RASAL2: variants seen among roughly 807,000 people sequenced by gnomAD.
The protein encoded by RASAL2 is RAS protein activator like 2.
Under a neutral mutation model 128.9 loss-of-function variants are expected in RASAL2, and 58 were observed. That is an observed-to-expected ratio of 0.45 (90% confidence interval 0.36 to 0.56). The LOEUF is 0.56. RASAL2 is among the 20% of genes least tolerant of loss of function. The pLI is 0.00. For missense variants in RASAL2, 1,360 were observed against 1,601.6 expected, an observed-to-expected ratio of 0.85 and a Z score of 2.57; for synonymous variants, 561 against 580.8, an observed-to-expected ratio of 0.97 and a Z score of 0.49.
At chr1:178,447,812 A>G (rs1022341019) in intron 9 of RASAL2, among the ~76,000 whole-genome samples, 7 of 152,066 alleles carry the variant, frequency 4.6e-5, no homozygotes, top group Non-Finnish European at 8.8e-5. Context: ...GAACTTGGCA[A>G]ATTTTTCAGT....
chr1:178,300,396 C>T (rs1383411070), intron 3 of RASAL2, among the ~76,000 whole-genome samples: 3 of 152,128 alleles, frequency 2.0e-5, no homozygotes, highest in Non-Finnish European at 4.4e-5. Flanking sequence ...GTTTATTGCT[C>T]AGCTGTAGAT....
At chr1:178,372,594 T>C (rs138071515) in intron 3 of RASAL2, among the ~76,000 whole-genome samples, 34 of 152,318 alleles carry the variant, frequency 2.2e-4, no homozygotes, top group Non-Finnish European at 7.4e-5. Context: ...TCTGGCCAGC[T>C]GTTCATGGTA....
chr1:178,264,440 C>T (rs1665849033), intron 1 of RASAL2, among the ~76,000 whole-genome samples: 1 of 152,192 alleles, frequency 6.6e-6, no homozygotes, highest in Non-Finnish European at 1.5e-5. Context: ...AACCCTCATG[C>T]ACAAAACTGT....
At chr1:178,328,645 A>G (rs925653556) in intron 3 of RASAL2, among the ~76,000 whole-genome samples, 15 of 152,194 alleles carry the variant, frequency 9.9e-5, no homozygotes, top group African/African-American at 3.4e-4. Context: ...AACAGTGACA[A>G]TGTTAAGTTC....
At chr1:178,394,191 A>T (rs1673078347) in intron 4 of RASAL2, among the ~76,000 whole-genome samples, 1 of 152,194 alleles carries the variant, frequency 6.6e-6, no homozygotes, top group Non-Finnish European at 1.5e-5. Context: ...GTATAAATTC[A>T]CAATGTTTTT....
chr1:178,137,979 G>C (rs370067824), intron 1 of RASAL2, among the ~76,000 whole-genome samples: 6 of 152,176 alleles, frequency 3.9e-5, no homozygotes, highest in African/African-American at 1.4e-4. Flanking sequence ...AGGTGTTCTG[G>C]ATTGCCAAAG....
Position 178,395,793 on chromosome 1 carries a change from T to TATATATATATATATATA in RASAL2, c.564+5587_564+5588insATATATATATATATATA, listed in dbSNP as rs879578177. Among the ~76,000 whole-genome samples the TATATATATATATATATA allele has an allele frequency of 1.3e-3, 166 of 124,502 alleles. 4 individuals carry two copies. Among genetic ancestry groups the TATATATATATATATATA allele is most frequent in the South Asian group, 4.2e-3 (18 of 4,336 alleles). 81.7% of individuals were successfully genotyped at this position (124,502 alleles called of 152,430 possible). A position where few individuals can be genotyped will look rare whatever the true frequency, so the allele number is the denominator to read the frequency against. ...ACAGTATATATATATATATATATATTTATTTATTCATATGTGTATGAATGT... is the reference window on the plus strand; with the variant it reads ...ACAGTATATATATATATATATATATTATATATATATATATATATATTTATTCATATGTGTATGAATGT... On this transcript the variant is annotated intron_variant, in intron 4 of 17. Transcript: ENST00000367649.
intron 8 of RASAL2, among the ~76,000 whole-genome samples, chr1:178,444,720 C>A (rs1011244352): frequency 6.6e-6 from 1 of 152,000 alleles, no homozygotes; most frequent in Non-Finnish European, 1.5e-5. Flanking sequence ...GGCGGGCAGA[C>A]AGAAAGATAG....
At chr1:178,419,626 C>T (rs146620552) in intron 4 of RASAL2, among the ~76,000 whole-genome samples, 201 of 152,214 alleles carry the variant, frequency 1.3e-3, no homozygotes, top group Non-Finnish European at 2.3e-3. Flanking sequence ...TTCCTTTCAC[C>T]TGCCAATGAC....
In RASAL2 at chr1:178,467,406, A is replaced by C; in HGVS notation, c.3663A>C (p.Lys1221Asn). 1 of 1,613,970 alleles carries C rather than the reference A, an allele frequency of 6.2e-7. No homozygotes were observed. Among genetic ancestry groups the C allele is most frequent in the Non-Finnish European group, 8.5e-7 (1 of 1,179,820 alleles). The stretch of plus-strand genomic sequence containing the variant: ...AAGCAGTTATTGATGCAAAGCAGAA[A>C]ATAATTGATGCACAGGTAAGCAGGC... ...EMQAVIDAKQ[K>N]IIDAQEKRIV... is the part of the protein sequence containing the mutation. The change falls in exon 17 of 18, where the codon AAA (lysine) becomes AAC (asparagine). Residue 1221 changes from lysine to asparagine, a missense_variant. Around this residue, in one of 3 missense-constraint regions of RASAL2, gnomAD observed 741 missense variants for 868.6 expected, o/e 0.85. Transcript: ENST00000367649.
At chr1:178,133,346 G>C (rs316266) in intron 1 of RASAL2, among the ~76,000 whole-genome samples, 104,103 of 152,046 alleles carry the variant, frequency 0.68, 37,968 homozygotes, top group East Asian at 0.8. Context: ...GATCACTTTG[G>C]TGACACTGTT....
At chr1:178,097,289 A>G (rs1162995139) in intron 1 of RASAL2, among the ~76,000 whole-genome samples, 1 of 152,190 alleles carries the variant, frequency 6.6e-6, no homozygotes, top group Non-Finnish European at 1.5e-5. Context: ...AGTAATTGGT[A>G]TCTGTGGTCC....
chr1:178,281,681 G>A (rs1486156236), intron 1 of RASAL2, among the ~76,000 whole-genome samples: 1 of 152,072 alleles, frequency 6.6e-6, no homozygotes, highest in African/African-American at 2.4e-5. Flanking sequence ...ACCATAAATT[G>A]TCTAATTTTG....
At chr1:178,266,825 T>C (rs536638556) in intron 1 of RASAL2, among the ~76,000 whole-genome samples, 1 of 152,304 alleles carries the variant, frequency 6.6e-6, no homozygotes, top group African/African-American at 2.4e-5. Flanking sequence ...CCCTAGCCTT[T>C]TAATATGCAA....
intron 1 of RASAL2, among the ~76,000 whole-genome samples, chr1:178,176,977 A>C (rs1214934484): frequency 6.6e-6 from 1 of 152,138 alleles, no homozygotes; most frequent in Non-Finnish European, 1.5e-5. Flanking sequence ...ATTCTATTTC[A>C]GGGATTCTAT....
Position 178,438,102 on chromosome 1 carries a change from TTGTGTGTGTGTGTGTGTGTGTGTGTG to T in RASAL2, c.675-1303_675-1278del, listed in dbSNP as rs58641965. Among the ~76,000 whole-genome samples the T allele has an allele frequency of 2.3e-4, 32 of 142,154 alleles. No individual in the cohort carries two copies. The South Asian group carries it at 7.3e-3, about 32-fold the overall frequency. The allele number at this position is 142,154 out of a possible 152,430, so 93.3% of individuals were successfully genotyped here. A position where few individuals can be genotyped will look rare whatever the true frequency, so the allele number is the denominator to read the frequency against. On this transcript the variant is annotated intron_variant, in intron 5 of 17. Transcript: ENST00000367649. ...TGCAGCCTAAACTTTAAATGGTGGC[TTGTGTGTGTGTGTGTGTGTGTGTGTG>T]TGTGTGTGTGTGTGTGGAAAGAAGA...
In RASAL2 at chr1:178,341,506, G is replaced by A. The variant is rs970380756; in HGVS notation, c.457+41388G>A. 11 of 1,595,216 alleles carry A rather than the reference G, an allele frequency of 6.9e-6. No homozygotes were observed. The African/African-American group carries it at 1.1e-4, about 16-fold the overall frequency. Reference sequence around the variant, plus strand: ...GCAAAAAGGGAGAGAGCAGGAAAGCGAGCACAGGCGAGTACAGTATACAAA... The same window carrying A: ...GCAAAAAGGGAGAGAGCAGGAAAGCAAGCACAGGCGAGTACAGTATACAAA... On this transcript the variant is annotated intron_variant, in intron 3 of 17. Transcript: ENST00000367649.
chr1:178,389,134 C>T (rs138219868), intron 3 of RASAL2: 257 of 250,238 alleles, frequency 1.0e-3, no homozygotes, highest in African/African-American at 5.5e-3. Context: ...TGTCAGTCTC[C>T]GGAGTTACGA....
chr1:178,268,632 A>G (rs186977463), intron 1 of RASAL2, among the ~76,000 whole-genome samples: 1 of 152,202 alleles, frequency 6.6e-6, no homozygotes, highest in African/African-American at 2.4e-5. Context: ...TAGAAAAAAA[A>G]GAGAGAGAGG....
Sources: allele counts gnomAD v4.1 joint callset (sites outside exome capture counted in the v4.1 genomes callset), GRCh38; gene constraint gnomAD v4.1.1; regional missense constraint gnomAD v4.1.1; transcripts MANE v1.5; gene names NCBI Gene and HGNC (gene_info 2026-07-23, HGNC 2026-07-21).